Variants in SLC19A1 observed in about 807,000 individuals in gnomAD.
The protein encoded by SLC19A1 is solute carrier family 19 member 1.
SLC19A1 carries 37 observed loss-of-function variants against 35.3 expected under a neutral mutation model. That is an observed-to-expected ratio of 1.05 (90% CI 0.81 to 1.38). The LOEUF (loss-of-function observed/expected upper bound fraction) is 1.38, where lower values mean the gene tolerates loss of function less well. Ranked by LOEUF, SLC19A1 falls within the 40% of genes most tolerant of loss-of-function variation. The probability of loss-of-function intolerance (pLI) is 0.00; values close to 1 mark genes in which losing one functional copy is unlikely to be tolerated. For synonymous variants in SLC19A1, 460 were observed against 398.5 expected (o/e 1.15, Z -1.84); for missense variants, 831 against 826.9 (o/e 1.00, Z -0.06).
upstream of SLC19A1, among the ~76,000 whole-genome samples, chr21:45,542,793 C>A (rs1301794031): frequency 6.6e-6 from 1 of 151,572 alleles, no homozygotes; most frequent in African/African-American, 2.4e-5. Flanking sequence ...GCGTTCTTCC[C>A]ACCCCCGGTC....
chr21:45,505,088 C>T, intron 3 of SLC19A1: 1 of 1,593,852 alleles, frequency 6.3e-7, no homozygotes, highest in Non-Finnish European at 8.5e-7. Flanking sequence ...CGCCCCCAGT[C>T]CAGGGCACGA....
upstream of SLC19A1, among the ~76,000 whole-genome samples, chr21:45,546,077 G>C (rs2078412336): frequency 6.6e-6 from 1 of 152,244 alleles, no homozygotes; most frequent in Admixed American, 6.5e-5. Flanking sequence ...TCTGGAGAAG[G>C]GGGACTGACA....
chr21:45,534,177 C>T lies in SLC19A1; in HGVS notation c.190-2029G>A, dbSNP rs1234839374. ...CACAGAGAGCCTCAGGGCCAGCCAT[C>T]GGCTTCTGCACTGTGTTTACAGCAA... On this transcript the variant is annotated intron_variant, in intron 2 of 5. Coordinates refer to ENST00000311124, the MANE Select transcript of SLC19A1 (RefSeq NM_194255.4). This position sits in a 1 kb window ranked among gnomAD's most constrained non-coding sequence, Gnocchi z 4.2. Among the ~76,000 whole-genome samples, 2 of 152,188 alleles carry T rather than the reference C, an allele frequency of 1.3e-5. No individual in the cohort carries two copies. The highest frequency in any genetic ancestry group is 2.9e-5 in the Non-Finnish European group (2 of 68,018).
At chr21:45,507,742 G>A, downstream of SLC19A1, 1 of 771,492 alleles carries the variant, frequency 1.3e-6, no homozygotes. Flanking sequence ...AGAAACTGGT[G>A]CAGGACACCC....
At position 45,506,479 on chromosome 21, in the gene SLC19A1, C is replaced by A. The variant is rs1427567250; in HGVS notation, c.498-7867G>T. 5 of 243,768 alleles carry A rather than the reference C, an allele frequency of 2.1e-5. No homozygotes were observed. In the East Asian group the frequency reaches 5.2e-4, roughly 25 times the overall value. 15.1% of individuals were successfully genotyped at this position (243,768 alleles called of 1,614,324 possible). A position where few individuals can be genotyped will look rare whatever the true frequency, so the allele number is the denominator to read the frequency against. ...CTCCTCAGACACACCTGGGATTGCC[C>A]CTTCCAGGACAGGCCAGCCCCTTTC... On this transcript the variant is annotated intron_variant, in intron 3 of 4. Coordinates refer to the SLC19A1 transcript ENST00000417954.
intron 4 of SLC19A1, 33 bp from the exon 5 acceptor site, chr21:45,525,991 C>T: frequency 6.2e-7 from 1 of 1,605,076 alleles, no homozygotes; most frequent in Non-Finnish European, 8.5e-7. Context: ...TCAGGCGCTG[C>T]TGGGAGAATA....
rs1443968880 is a variant in SLC19A1, at chr21:45,533,367, A to C, written c.190-1219T>G. Among the ~76,000 whole-genome samples the C allele has an allele frequency of 6.6e-6, 1 of 152,120 alleles. No individual in the cohort carries two copies. The highest frequency in any genetic ancestry group is 2.4e-5 in the African/African-American group (1 of 41,418). On this transcript the variant is annotated intron_variant, in intron 2 of 5. Transcript: ENST00000311124. The surrounding 1 kb of genome is among the most constrained non-coding windows in gnomAD (Gnocchi z 4.5). ...CCCAGACTACTACAGGCAGGCACCAAACGTCCTCAGCTGTCTTGGCAGGGG... is the reference window on the plus strand; with the variant it reads ...CCCAGACTACTACAGGCAGGCACCACACGTCCTCAGCTGTCTTGGCAGGGG...
rs1186543021 is a variant in SLC19A1, at chr21:45,513,160, A to G, written c.*2498T>C. 1 of 152,366 alleles carries G rather than the reference A, an allele frequency of 6.6e-6. No homozygotes were observed. The highest frequency in any genetic ancestry group is 1.5e-5 in the Non-Finnish European group (1 of 68,154). The allele number at this position is 152,366 out of a possible 1,614,324, so 9.4% of individuals were successfully genotyped here. On this transcript the variant is annotated 3_prime_UTR_variant, in exon 6 of 6. Transcript: ENST00000311124. ...CCAAGCTGGGAGATTCAAGGGACCCATGAGTTGGGGTCTGGCAGCCTCCCA... is the reference window on the plus strand; with the variant it reads ...CCAAGCTGGGAGATTCAAGGGACCCGTGAGTTGGGGTCTGGCAGCCTCCCA...
rs1376579978 is a variant in SLC19A1, at chr21:45,531,549, C to T, written c.789G>A (p.Arg263=). ...RMLRELGDSL[R]RPQLRLWSLW... ...GGGACCACAGGCGCAGCTGCGGCCG[C>T]CGCAGGCTGTCCCCCAGCTCCCGCA... Residue 263 remains arginine, a synonymous_variant, in exon 3 of 6, where the codon CGG becomes CGA. Transcript: ENST00000311124. 3.1e-6 allele frequency: 5 copies of T among 1,612,444 alleles called. No homozygotes were observed. The African/African-American group carries it at 6.7e-5, about 21-fold the overall frequency.
Position 45,531,411 on chromosome 21 carries a change from T to G in SLC19A1, c.927A>C (p.Ala309=), listed in dbSNP as rs537671561. The change falls in exon 3 of 6, where the codon GCA becomes GCC. Residue 309 remains alanine (A), a synonymous_variant. Coordinates refer to ENST00000311124, the MANE Select transcript of SLC19A1 (RefSeq NM_194255.4). ...TNSARVYNGA[A]DAASTLLGAI... is the part of the protein sequence containing the mutation. ...TACCCAGCAGCGTGGAGGCAGCATCTGCCGCGCCGTTGTAGACCCGCGCAC... is the reference window on the plus strand; with the variant it reads ...TACCCAGCAGCGTGGAGGCAGCATCGGCCGCGCCGTTGTAGACCCGCGCAC... The G allele has an allele frequency of 3.3e-5, 53 of 1,590,520 alleles. No individual in the cohort carries two copies. The East Asian group carries it at 1.1e-3, about 34-fold the overall frequency.
intron 3 of SLC19A1, chr21:45,506,841 T>C: frequency 5.8e-6 from 1 of 171,436 alleles, no homozygotes; most frequent in Non-Finnish European, 1.3e-5. Context: ...ACCGGCCCCC[T>C]CCTAGGCCTG....
At chr21:45,528,001 TAAAC>T (rs567979263) in intron 4 of SLC19A1, among the ~76,000 whole-genome samples, 216 of 113,410 alleles carry the variant, frequency 1.9e-3, no homozygotes, top group Admixed American at 3.6e-3. Flanking sequence ...GAAGAAAAAA[TAAAC>T]AAAAATGCCC....
intron 1 of SLC19A1, among the ~76,000 whole-genome samples, chr21:45,554,626 G>C (rs2078523875): frequency 6.9e-6 from 1 of 145,550 alleles, no homozygotes; most frequent in East Asian, 2.1e-4. Flanking sequence ...TCCCTGCACG[G>C]GGCAGCGGCG....
At chr21:45,510,698 C>G (rs902457945), downstream of SLC19A1, among the ~76,000 whole-genome samples, 1 of 152,206 alleles carries the variant, frequency 6.6e-6, no homozygotes, top group African/African-American at 2.4e-5. Flanking sequence ...CCTTTTCGTG[C>G]ACTGGGCTGT....
rs1335222650 is a variant in SLC19A1 at position 45,515,896 on chromosome 21, G to A, written c.1538C>T (p.Pro513Leu). The change falls in exon 6 of 6, where the codon CCA becomes CTA. Residue 513 changes from proline to leucine, a missense_variant. Coordinates refer to ENST00000311124, the MANE Select transcript of SLC19A1 (RefSeq NM_194255.4). Reference protein sequence around the residue: ...SPEDSLGAVGPASLEQRQSDP... With the variant: ...SPEDSLGAVGLASLEQRQSDP... Reference sequence around the variant, plus strand: ...GCTCTGTCTCTGCTCCAGGGAGGCTGGCCCCACAGCCCCCAGGCTGTCTTC... The same window carrying A: ...GCTCTGTCTCTGCTCCAGGGAGGCTAGCCCCACAGCCCCCAGGCTGTCTTC... 4 of 1,557,282 alleles carry A rather than the reference G, an allele frequency of 2.6e-6. No individual in the cohort carries two copies. Among genetic ancestry groups the A allele is most frequent in the Non-Finnish European group, 3.5e-6 (4 of 1,151,754 alleles).
chr21:45,515,644 G>T lies in SLC19A1; in HGVS notation c.*14C>A, dbSNP rs970100795. 1 of 1,612,918 alleles carries T rather than the reference G, an allele frequency of 6.2e-7. No homozygotes were observed. Among genetic ancestry groups the T allele is most frequent in the South Asian group, 1.1e-5 (1 of 91,006 alleles). ...GAGGGCCGCCTGCAAAGTTACCACA[G>T]GGGCGCCCGAGAGTCACTGGTTCAC... On this transcript the variant is annotated 3_prime_UTR_variant, in exon 6 of 6. Coordinates refer to ENST00000311124, the MANE Select transcript of SLC19A1 (RefSeq NM_194255.4).
At chr21:45,561,285 G>T (rs1321504675) in intron 1 of SLC19A1, among the ~76,000 whole-genome samples, 4 of 152,204 alleles carry the variant, frequency 2.6e-5, no homozygotes, top group African/African-American at 7.2e-5. Flanking sequence ...AAATATTTGA[G>T]TATTCTATTG....
rs2037702043 is a variant in SLC19A1 at position 45,513,052 on chromosome 21, C to G, written c.*2606G>C. 1 of 155,502 alleles carries G rather than the reference C, an allele frequency of 6.4e-6. No individual in the cohort carries two copies. Among genetic ancestry groups the G allele is most frequent in the Admixed American group, 6.3e-5 (1 of 15,996 alleles). 9.6% of individuals were successfully genotyped at this position (155,502 alleles called of 1,614,324 possible). On this transcript the variant is annotated 3_prime_UTR_variant, in exon 6 of 6. Coordinates refer to ENST00000311124, the MANE Select transcript of SLC19A1 (RefSeq NM_194255.4). ...CCCAGCTCCGGCCTGTCCTCCAACA[C>G]CAAGCACAGCAGCCTGGGGCTGGCC...
At chr21:45,552,267 C>T (rs553798867) in intron 1 of SLC19A1, among the ~76,000 whole-genome samples, 1 of 152,318 alleles carries the variant, frequency 6.6e-6, no homozygotes, top group African/African-American at 2.4e-5. Flanking sequence ...AGGGGAGCTA[C>T]ATCCTGGCCT....
Sources: gnomAD v4.1 joint callset for allele counts (sites outside exome capture counted in the v4.1 genomes callset) on GRCh38, gnomAD v4.1.1 for gene constraint, Gnocchi (gnomAD v3.1) non-coding constraint, MANE v1.5 for transcripts, NCBI Gene and HGNC (gene_info 2026-07-23, HGNC 2026-07-21) for gene names.